Variants in PIEZO2 observed in about 807,000 individuals in gnomAD.
The protein encoded by PIEZO2 is piezo type mechanosensitive ion channel component 2, also known as piezo-type mechanosensitive ion channel component 2.
A neutral mutation model predicts 337.3 loss-of-function variants in PIEZO2; 172 were observed. The observed-to-expected ratio is 0.51, with a 90% CI of 0.45 to 0.58. The LOEUF (loss-of-function observed/expected upper bound fraction) is 0.58, where lower values mean the gene tolerates loss of function less well. Ranked by LOEUF, PIEZO2 falls within the 20% of genes least tolerant of loss-of-function variation. The pLI is 0.00. For missense variants in PIEZO2, 3,028 were observed against 3,391.3 expected, an observed-to-expected ratio of 0.89 and a Z score of 2.66; for synonymous variants, 1,251 against 1,228.5, an observed-to-expected ratio of 1.02 and a Z score of -0.38.
intron 3 of PIEZO2, among the ~76,000 whole-genome samples, chr18:10,934,636 C>CGTGGGTGTGTGTGT (rs2032277322): frequency 7.6e-6 from 1 of 130,738 alleles, no homozygotes; most frequent in East Asian, 2.3e-4. Flanking sequence ...ATTGTGTGTA[C>CGTGGGTGTGTGTGT]GTGTGTGTGT....
chr18:10,874,504 T>G (rs914636588), intron 4 of PIEZO2, among the ~76,000 whole-genome samples: 3 of 152,176 alleles, frequency 2.0e-5, no homozygotes, highest in African/African-American at 7.2e-5. Flanking sequence ...CTAAGAGATA[T>G]CTGCACTTCT....
chr18:10,850,216 A>G lies in PIEZO2; in HGVS notation c.917+5137T>C, dbSNP rs773132788. On this transcript the variant is annotated intron_variant, in intron 7 of 55. Coordinates refer to ENST00000674853, the MANE Select transcript of PIEZO2 (RefSeq NM_001378183.1). The surrounding 1 kb of genome is among the most constrained non-coding windows in gnomAD (Gnocchi z 4.5). The stretch of plus-strand genomic sequence containing the variant: ...AAAACTCAACCACATGTGCAGATGA[A>G]ACTGGAAGGAAGCACGTGATTTTTT... Among the ~76,000 whole-genome samples the G allele has an allele frequency of 6.6e-6, 1 of 152,236 alleles. No homozygotes were observed.
In PIEZO2 at chr18:10,773,511, A is replaced by C; in HGVS notation, c.2686T>G (p.Ser896Ala). The change falls in exon 20 of 56, where the codon TCT becomes GCT. Residue 896 changes from serine to alanine, a missense_variant. Around this residue, in one of 5 missense-constraint regions of PIEZO2, gnomAD observed 1,925 missense variants for 2,051.9 expected, o/e 0.94. Coordinates refer to ENST00000674853, the MANE Select transcript of PIEZO2 (RefSeq NM_001378183.1). The surrounding 1 kb of genome is among the most constrained non-coding windows in gnomAD (Gnocchi z 5.3). ...AGATCACCCTTCTGGGCTTTTTCAG[A>C]GTAGCCCTCAAGCTTCTCCTCCCCA... is the stretch of plus-strand genomic sequence containing the variant. ...EPGEEKLEGY[S>A]EKAQKGDLGK... 1 of 1,537,330 alleles carries C rather than the reference A, an allele frequency of 6.5e-7. No homozygotes were observed.
At chr18:10,959,167 A>G (rs1431494974) in intron 3 of PIEZO2, among the ~76,000 whole-genome samples, 2 of 152,200 alleles carry the variant, frequency 1.3e-5, no homozygotes, top group African/African-American at 2.4e-5. Context: ...AAATTTTTAC[A>G]CTAGTAACTA....
In PIEZO2 at chr18:10,857,131, C is replaced by A. The variant is rs773775388; in HGVS notation, c.573G>T (p.Glu191Asp). 6.5e-7 allele frequency: 1 copy of A among 1,537,746 alleles called. No homozygotes were observed. The highest frequency in any genetic ancestry group is 8.7e-7 in the Non-Finnish European group (1 of 1,147,054). Residue 191 changes from glutamate (E) to aspartate (D), a missense_variant, in exon 6 of 56, where the codon GAG becomes GAT. Glu to Asp is a conservative substitution (Grantham distance 45). This residue lies in a region of PIEZO2 where 542 missense variants were observed against 605.6 expected (regional missense o/e 0.89). Transcript: ENST00000674853. ...DFNGGDGVEGELEESTKLKMF... is the reference protein window; with the variant it reads ...DFNGGDGVEGDLEESTKLKMF... Reference sequence around the variant, plus strand: ...TTTTTAACTTCGTGCTTTCTTCCAACTCGCCTTCAACACCATCTCCTCCAT... The same window carrying A: ...TTTTTAACTTCGTGCTTTCTTCCAAATCGCCTTCAACACCATCTCCTCCAT...
At chr18:10,774,077 A>T (rs776169586) in intron 18 of PIEZO2, 39 bp from the exon 19 acceptor site, 1 of 702,388 alleles carries the variant, frequency 1.4e-6, no homozygotes, top group Admixed American at 2.0e-5. Context: ...AAAAAAGGAG[A>T]TGAGAACAGA....
At chr18:10,691,676 A>G (rs888748573) in intron 47 of PIEZO2, among the ~76,000 whole-genome samples, 1 of 151,078 alleles carries the variant, frequency 6.6e-6, no homozygotes, top group Admixed American at 6.6e-5. Context: ...TTTTCTCACT[A>G]TGTAGATGAT....
Position 10,813,078 on chromosome 18 carries a change from C to G in PIEZO2, c.918-5804G>C, listed in dbSNP as rs2040247879. ...CACTGCAACCTCTGCCTCCCCGGCT[C>G]AAGTGATTCTCCTGCCTCAGCCTCC... is the stretch of plus-strand genomic sequence containing the variant. On this transcript the variant is annotated intron_variant, in intron 7 of 55. Coordinates refer to ENST00000674853, the MANE Select transcript of PIEZO2 (RefSeq NM_001378183.1). This position sits in a 1 kb window ranked among gnomAD's most constrained non-coding sequence, Gnocchi z 4.2. Among the ~76,000 whole-genome samples, 1 of 151,812 alleles carries G rather than the reference C, an allele frequency of 6.6e-6. No individual in the cohort carries two copies. Among genetic ancestry groups the G allele is most frequent in the South Asian group, 2.1e-4 (1 of 4,824 alleles).
chr18:10,825,894 C>T (rs2040662379), intron 7 of PIEZO2, among the ~76,000 whole-genome samples: 2 of 152,160 alleles, frequency 1.3e-5, no homozygotes, highest in Admixed American at 1.3e-4. Flanking sequence ...TCACAATGCA[C>T]AGCCCACACT....
Position 10,724,898 on chromosome 18 carries a change from G to T in PIEZO2, c.5029+6509C>A. The T allele has an allele frequency of 6.2e-7, 1 of 1,609,410 alleles. No individual in the cohort carries two copies. Among genetic ancestry groups the T allele is most frequent in the Non-Finnish European group, 8.5e-7 (1 of 1,178,264 alleles). On this transcript the variant is annotated intron_variant, in intron 36 of 55. Coordinates refer to ENST00000674853, the MANE Select transcript of PIEZO2 (RefSeq NM_001378183.1). This position sits in a 1 kb window ranked among gnomAD's most constrained non-coding sequence, Gnocchi z 5.8. ...GTAAATAGTACTGGCCGGCGGGGGC[G>T]TGGCACCCTGGGACAGCCTCCACCT...
intron 3 of PIEZO2, among the ~76,000 whole-genome samples, chr18:10,976,081 A>G (rs1418331963): frequency 6.6e-6 from 1 of 152,204 alleles, no homozygotes; most frequent in African/African-American, 2.4e-5. Flanking sequence ...ACATTAGTGA[A>G]GTGAAGTCAA....
intron 2 of PIEZO2, among the ~76,000 whole-genome samples, chr18:11,046,980 C>T (rs1220080250): frequency 6.6e-6 from 1 of 152,230 alleles, no homozygotes; most frequent in African/African-American, 2.4e-5. Flanking sequence ...AAGGCCACTG[C>T]TAGCCCACTC....
rs755552544 is a variant in PIEZO2, at chr18:10,696,475, C to T, written c.6892G>A (p.Ala2298Thr). Residue 2298 changes from alanine to threonine, a missense_variant, in exon 46 of 56, where the codon GCC becomes ACC. Coordinates refer to ENST00000674853, the MANE Select transcript of PIEZO2 (RefSeq NM_001378183.1). ...ATGAGTACATACACGTCAGTCACGGCGCTATACTCCGGGTGGATGAGGTTG... is the reference window on the plus strand; with the variant it reads ...ATGAGTACATACACGTCAGTCACGGTGCTATACTCCGGGTGGATGAGGTTG... The part of the protein sequence containing the change: ...FYNLIHPEYS[A>T]VTDVYVLMFL... 4.3e-6 allele frequency: 7 copies of T among 1,614,108 alleles called. No homozygotes were observed. Among genetic ancestry groups the T allele is most frequent in the Admixed American group, 1.7e-5 (1 of 60,020 alleles).
rs2038283054 is a variant in PIEZO2 at position 11,070,079 on chromosome 18, A to T, written c.65-3857T>A. Among the ~76,000 whole-genome samples, 1 of 152,200 alleles carries T rather than the reference A, an allele frequency of 6.6e-6. No individual in the cohort carries two copies. Among genetic ancestry groups the T allele is most frequent in the Admixed American group, 6.5e-5 (1 of 15,274 alleles). ...TGCTCTGAGAAATGCATTGTTAGGT[A>T]GTTTTGTCCTTGTGGGAACTGTGTG... On this transcript the variant is annotated intron_variant, in intron 1 of 55. Coordinates refer to ENST00000674853, the MANE Select transcript of PIEZO2 (RefSeq NM_001378183.1). The surrounding 1 kb of genome is among the most constrained non-coding windows in gnomAD (Gnocchi z 4.3).
chr18:11,120,314 A>G (rs974564738), intron 1 of PIEZO2, among the ~76,000 whole-genome samples: 1 of 152,180 alleles, frequency 6.6e-6, no homozygotes. Context: ...ACCACAAAAT[A>G]TGTTTTTTTT....
chr18:10,690,262 C>G (rs1472354776), intron 48 of PIEZO2, among the ~76,000 whole-genome samples: 1 of 152,172 alleles, frequency 6.6e-6, no homozygotes, highest in African/African-American at 2.4e-5. Flanking sequence ...TGAGGCCCCT[C>G]AGCCGCAGGA....
rs1172286223 is a variant in PIEZO2 at position 10,770,281 on chromosome 18, A to G, written c.2813T>C (p.Ile938Thr). 4.6e-6 allele frequency: 7 copies of G among 1,537,616 alleles called. No homozygotes were observed. The highest frequency in any genetic ancestry group is 1.4e-5 in the African/African-American group (1 of 73,054). Residue 938 changes from isoleucine (I) to threonine (T), a missense_variant, in exon 21 of 56, where the codon ATT becomes ACT. By Grantham distance (89) the Ile-to-Thr change is moderately conservative. This residue lies in a region of PIEZO2 where 1,925 missense variants were observed against 2,051.9 expected (regional missense o/e 0.94). Coordinates refer to ENST00000674853, the MANE Select transcript of PIEZO2 (RefSeq NM_001378183.1). ...SDLRNKWHLVIDRLTVLFLKF... is the reference protein window; with the variant it reads ...SDLRNKWHLVTDRLTVLFLKF... Reference sequence around the variant, plus strand: ...TAAGAAGAGCACAGTGAGGCGGTCAATCACCAGGTGCCATTTGTTCCTTAA... The same window carrying G: ...TAAGAAGAGCACAGTGAGGCGGTCAGTCACCAGGTGCCATTTGTTCCTTAA...
chr18:11,071,749 C>T (rs1479419838), intron 1 of PIEZO2, among the ~76,000 whole-genome samples: 2 of 152,138 alleles, frequency 1.3e-5, no homozygotes, highest in Admixed American at 1.3e-4. Context: ...CCTGACCCTT[C>T]CAACTCACAG....
chr18:10,727,250 T>C lies in PIEZO2; in HGVS notation c.5029+4157A>G. 1 of 223,578 alleles carries C rather than the reference T, an allele frequency of 4.5e-6. No individual in the cohort carries two copies. Among genetic ancestry groups the C allele is most frequent in the East Asian group, 1.0e-4 (1 of 9,736 alleles). The allele number at this position is 223,578 out of a possible 1,614,324, so 13.8% of individuals were successfully genotyped here. A position where few individuals can be genotyped will look rare whatever the true frequency, so the allele number is the denominator to read the frequency against. Reference sequence around the variant, plus strand: ...GAGCATTGATGGGGATGAGGGTGGTTTGGGAATAGAAACTTGTTCTTGCAT... The same window carrying C: ...GAGCATTGATGGGGATGAGGGTGGTCTGGGAATAGAAACTTGTTCTTGCAT... On this transcript the variant is annotated intron_variant, in intron 36 of 55. Transcript: ENST00000674853. This position sits in a 1 kb window ranked among gnomAD's most constrained non-coding sequence, Gnocchi z 6.3.
Sources: allele counts gnomAD v4.1 joint callset (sites outside exome capture counted in the v4.1 genomes callset), GRCh38; gene constraint gnomAD v4.1.1; regional missense constraint gnomAD v4.1.1; non-coding constraint Gnocchi (gnomAD v3.1); transcripts MANE v1.5; gene names NCBI Gene and HGNC (gene_info 2026-07-23, HGNC 2026-07-21).